Variants in KLHL1 observed in about 807,000 individuals in gnomAD.
KLHL1 encodes the protein kelch like family member 1.
In KLHL1, 47 loss-of-function variants were observed where a neutral mutation model predicts 77.7. That is an observed-to-expected ratio of 0.60 (90% confidence interval 0.48 to 0.77). The LOEUF is 0.77. KLHL1 is among the 30% of genes least tolerant of loss of function. The pLI is 0.00. For missense variants in KLHL1, 925 were observed against 910.8 expected, an observed-to-expected ratio of 1.02 and a Z score of -0.20; for synonymous variants, 360 against 325.2, an observed-to-expected ratio of 1.11 and a Z score of -1.15.
intron 8 of KLHL1, among the ~76,000 whole-genome samples, chr13:69,724,204 C>T (rs2113356): frequency 0.88 from 134,280 of 151,966 alleles, 59,580 homozygotes; most frequent in East Asian, 0.99. Flanking sequence ...GTAGCCCACC[C>T]TTCCAGATTG....
chr13:69,995,882 G>A (rs922082030), intron 1 of KLHL1, among the ~76,000 whole-genome samples: 2 of 152,016 alleles, frequency 1.3e-5, no homozygotes, highest in East Asian at 1.9e-4. Context: ...TTGAGGTCTC[G>A]ACCCACACAG....
At chr13:69,716,221 T>G (rs1394615504) in intron 9 of KLHL1, among the ~76,000 whole-genome samples, 1 of 152,178 alleles carries the variant, frequency 6.6e-6, no homozygotes, top group Non-Finnish European at 1.5e-5. Flanking sequence ...ACAACCTATT[T>G]ACAGTTTATC....
chr13:69,754,979 C>A (rs934466982), intron 7 of KLHL1, among the ~76,000 whole-genome samples: 6 of 152,046 alleles, frequency 3.9e-5, no homozygotes, highest in African/African-American at 1.2e-4. Context: ...TATGACCCTG[C>A]AATACTTTGC....
intron 7 of KLHL1, among the ~76,000 whole-genome samples, chr13:69,776,347 A>C (rs1593818081): frequency 6.6e-6 from 1 of 152,288 alleles, no homozygotes; most frequent in East Asian, 1.9e-4. Context: ...AAAATGAAGC[A>C]AAGCAAAACC....
At chr13:69,782,060 G>T (rs1462668429) in intron 7 of KLHL1, among the ~76,000 whole-genome samples, 2 of 152,190 alleles carry the variant, frequency 1.3e-5, no homozygotes, top group Non-Finnish European at 2.9e-5. Flanking sequence ...TTGTTTTTAA[G>T]GGTGAATATC....
chr13:70,084,219 G>A (rs1329877668), intron 1 of KLHL1, among the ~76,000 whole-genome samples: 1 of 152,048 alleles, frequency 6.6e-6, no homozygotes, highest in Non-Finnish European at 1.5e-5. Flanking sequence ...TTAATCTGTT[G>A]AGAATTTAAG....
intron 1 of KLHL1, among the ~76,000 whole-genome samples, chr13:70,034,987 T>C (rs1309502010): frequency 6.6e-6 from 1 of 152,146 alleles, no homozygotes; most frequent in Non-Finnish European, 1.5e-5. Context: ...GTGATTTTTG[T>C]AGTTACAAAT....
intron 5 of KLHL1, among the ~76,000 whole-genome samples, chr13:69,847,647 A>T (rs1194751879): frequency 6.6e-6 from 1 of 151,496 alleles, no homozygotes; most frequent in African/African-American, 2.4e-5. Context: ...TTATGAAAAC[A>T]CTCTCACATT....
At chr13:69,771,307 T>C (rs1226002353) in intron 7 of KLHL1, among the ~76,000 whole-genome samples, 2 of 152,126 alleles carry the variant, frequency 1.3e-5, no homozygotes, top group African/African-American at 4.8e-5. Flanking sequence ...CTCTTCTTCT[T>C]TGGCATCTTA....
At chr13:70,105,794 C>A (rs188875186) in intron 1 of KLHL1, among the ~76,000 whole-genome samples, 2 of 150,942 alleles carry the variant, frequency 1.3e-5, no homozygotes, top group Non-Finnish European at 3.0e-5. Context: ...CGTTATAATT[C>A]TTTTTCCTAA....
chr13:70,090,418 C>A (rs1390964017), intron 1 of KLHL1, among the ~76,000 whole-genome samples: 1 of 150,682 alleles, frequency 6.6e-6, no homozygotes, highest in Non-Finnish European at 1.5e-5. Flanking sequence ...TGTAGGTATC[C>A]AAATCTATAA....
At chr13:69,888,041 A>G (rs1296556943) in intron 4 of KLHL1, among the ~76,000 whole-genome samples, 1 of 152,162 alleles carries the variant, frequency 6.6e-6, no homozygotes, top group East Asian at 1.9e-4. Flanking sequence ...ATTATTGCTC[A>G]CAGTTCTAGA....
At chr13:69,775,491 ATTGT>A (rs938471704) in intron 7 of KLHL1, among the ~76,000 whole-genome samples, 41 of 152,288 alleles carry the variant, frequency 2.7e-4, no homozygotes, top group Non-Finnish European at 8.8e-5. Flanking sequence ...ATATATGACA[ATTGT>A]TTAAGATATC....
intron 5 of KLHL1, among the ~76,000 whole-genome samples, chr13:69,853,034 A>G (rs565285562): frequency 3.9e-5 from 6 of 152,126 alleles, no homozygotes; most frequent in African/African-American, 1.4e-4. Context: ...TCTAGTACTT[A>G]CAGTTAAGCC....
intron 7 of KLHL1, among the ~76,000 whole-genome samples, chr13:69,746,398 C>T (rs558014799): frequency 1.3e-5 from 2 of 151,822 alleles, no homozygotes; most frequent in South Asian, 2.1e-4. Context: ...TTTAGTAATG[C>T]TTACTGCTCT....
intron 2 of KLHL1, among the ~76,000 whole-genome samples, chr13:69,972,722 C>A (rs908913353): frequency 6.6e-6 from 1 of 151,864 alleles, no homozygotes; most frequent in Non-Finnish European, 1.5e-5. Flanking sequence ...GCAAAATGCT[C>A]TTACTCTTAA....
intron 4 of KLHL1, among the ~76,000 whole-genome samples, chr13:69,904,072 G>T (rs1047213374): frequency 3.3e-5 from 5 of 151,846 alleles, no homozygotes; most frequent in African/African-American, 1.2e-4. Context: ...TTAATATGCA[G>T]ACCAGAGAGA....
chr13:69,744,409 T>C (rs992831447), intron 7 of KLHL1, among the ~76,000 whole-genome samples: 1 of 152,024 alleles, frequency 6.6e-6, no homozygotes, highest in African/African-American at 2.4e-5. Context: ...ATATATCCTG[T>C]AAACATCATC....
intron 3 of KLHL1, among the ~76,000 whole-genome samples, chr13:69,942,382 T>G (rs1883390632): frequency 6.6e-6 from 1 of 152,068 alleles, no homozygotes; most frequent in South Asian, 2.1e-4. Context: ...TAATTGAAAT[T>G]TAAAAGTATA....
Sources: gnomAD v4.1 joint callset for allele counts (sites outside exome capture counted in the v4.1 genomes callset) on GRCh38, gnomAD v4.1.1 for gene constraint, MANE v1.5 for transcripts, NCBI Gene and HGNC (gene_info 2026-07-23, HGNC 2026-07-21) for gene names.